Variants in EIF4G3 observed in about 807,000 individuals in gnomAD.
EIF4G3 encodes the protein eukaryotic translation initiation factor 4 gamma 3.
Under a neutral mutation model 186.4 loss-of-function variants are expected in EIF4G3, and 34 were observed. The observed-to-expected ratio is 0.18, with a 90% CI of 0.14 to 0.24. The LOEUF is 0.24. Ranked by LOEUF, EIF4G3 falls within the 10% of genes least tolerant of loss-of-function variation. EIF4G3 has a pLI of 1.00. For synonymous variants in EIF4G3, 673 were observed against 679.5 expected, an observed-to-expected ratio of 0.99 and a Z score of 0.15; for missense variants, 1,536 against 1,948.5, an observed-to-expected ratio of 0.79 and a Z score of 3.99.
At chr1:20,895,267 C>T in intron 17 of EIF4G3, 101 bp downstream of exon 17, 1 of 1,311,908 alleles carries the variant, frequency 7.6e-7, no homozygotes, top group East Asian at 2.3e-5. Context: ...ATCATTTGGT[C>T]TAACAATTAC....
intron 15 of EIF4G3, 146 bp downstream of exon 15, chr1:20,904,737 A>G (rs2091550275): frequency 4.3e-6 from 2 of 469,176 alleles, no homozygotes; most frequent in Middle Eastern, 3.0e-4. Context: ...TAAAATTCTA[A>G]TATAAAATGG....
chr1:20,914,114 T>C (rs2093604413), intron 14 of EIF4G3, among the ~76,000 whole-genome samples: 1 of 151,984 alleles, frequency 6.6e-6, no homozygotes, highest in Non-Finnish European at 1.5e-5. Context: ...TGCCTTTTTT[T>C]TTTTCTTTTC....
chr1:20,907,627 T>A (rs1454071965), intron 14 of EIF4G3, among the ~76,000 whole-genome samples: 1 of 150,614 alleles, frequency 6.6e-6, no homozygotes, highest in Non-Finnish European at 1.5e-5. Context: ...CACCTATGAG[T>A]GAGAACATGT....
chr1:20,895,052 G>A (rs773438648), intron 17 of EIF4G3, among the ~76,000 whole-genome samples: 5 of 151,620 alleles, frequency 3.3e-5, no homozygotes, highest in Middle Eastern at 6.8e-3. Flanking sequence ...AAAGACCTCC[G>A]TATCAATTTA....
intron 2 of EIF4G3, among the ~76,000 whole-genome samples, chr1:21,142,388 TC>T (rs34076375): frequency 0.021 from 3,105 of 147,994 alleles, 59 homozygotes; most frequent in Non-Finnish European, 0.027. Context: ...GTGCCTGCAG[TC>T]CCAGCTACTC....
At chr1:21,009,899 C>T (rs2086478872) in intron 4 of EIF4G3, among the ~76,000 whole-genome samples, 2 of 151,418 alleles carry the variant, frequency 1.3e-5, no homozygotes, top group Admixed American at 6.6e-5. Flanking sequence ...GTGATCTGCC[C>T]GCCTCGGCCT....
intron 14 of EIF4G3, among the ~76,000 whole-genome samples, chr1:20,908,452 T>A (rs1170040341): frequency 1.3e-5 from 2 of 152,218 alleles, no homozygotes; most frequent in Non-Finnish European, 2.9e-5. Context: ...TATGTAAGTT[T>A]TAAAACTGTG....
At chr1:21,040,268 G>C (rs922821063) in intron 4 of EIF4G3, among the ~76,000 whole-genome samples, 5 of 152,140 alleles carry the variant, frequency 3.3e-5, no homozygotes, top group Non-Finnish European at 4.4e-5. Context: ...AAAAAACCTA[G>C]GACACGGTTA....
chr1:21,036,921 C>A (rs950530923), intron 4 of EIF4G3, among the ~76,000 whole-genome samples: 1 of 152,076 alleles, frequency 6.6e-6, no homozygotes, highest in African/African-American at 2.4e-5. Context: ...GAGTTACATT[C>A]TAGAAATATT....
intron 10 of EIF4G3, among the ~76,000 whole-genome samples, chr1:20,974,333 T>C (rs2076429118): frequency 6.6e-6 from 1 of 152,192 alleles, no homozygotes; most frequent in Non-Finnish European, 1.5e-5. Context: ...ATTCCATGTC[T>C]ATTAGAGGTC....
intron 2 of EIF4G3, among the ~76,000 whole-genome samples, chr1:21,155,840 C>A (rs556150255): frequency 1.3e-5 from 2 of 152,028 alleles, no homozygotes; most frequent in South Asian, 2.1e-4. Context: ...AAGAAACACA[C>A]AAAAAGCCGG....
intron 3 of EIF4G3, among the ~76,000 whole-genome samples, chr1:21,058,719 C>CTCTCTT (rs2094708336): frequency 1.2e-5 from 1 of 82,014 alleles, no homozygotes; most frequent in Non-Finnish European, 2.1e-5. Flanking sequence ...CTCTCTCTCT[C>CTCTCTT]TTTTTTTTTT....
chr1:21,021,561 TTTTC>T (rs2090697483), intron 4 of EIF4G3, among the ~76,000 whole-genome samples: 1 of 152,076 alleles, frequency 6.6e-6, no homozygotes, highest in Non-Finnish European at 1.5e-5. Context: ...CTTTCTTTTT[TTTTC>T]TTTATGTGGA....
intron 2 of EIF4G3, among the ~76,000 whole-genome samples, chr1:21,164,148 A>G (rs899804214): frequency 3.9e-5 from 6 of 152,152 alleles, no homozygotes; most frequent in Admixed American, 3.3e-4. Context: ...TCAACAACCA[A>G]TTTTAACCTG....
At position 20,893,579 on chromosome 1, in the gene EIF4G3, G is replaced by C; in HGVS notation, c.2191C>G (p.Pro731Ala). The C allele has an allele frequency of 6.3e-7, 1 of 1,595,512 alleles. No homozygotes were observed. Among genetic ancestry groups the C allele is most frequent in the East Asian group, 2.3e-5 (1 of 44,418 alleles). ...TLDPRILPRGPDFTPAFADFG... is the reference protein window; with the variant it reads ...TLDPRILPRGADFTPAFADFG... ...TCAGCAAAGGCTGGTGTAAAGTCTG[G>C]TCCTCGAGGCAAAATTCGAGGATCC... Residue 731 changes from proline (P) to alanine (A), a missense_variant, in exon 18 of 37, where the codon CCA becomes GCA. Physicochemically the swap from Pro to Ala is conservative, Grantham distance 27. Around this residue, in one of 11 missense-constraint regions of EIF4G3, gnomAD observed 139 missense variants for 192.8 expected, o/e 0.72. Transcript: ENST00000602326.
intron 4 of EIF4G3, among the ~76,000 whole-genome samples, chr1:21,044,315 T>C (rs1295483565): frequency 6.6e-6 from 1 of 152,228 alleles, no homozygotes; most frequent in African/African-American, 2.4e-5. Flanking sequence ...CAAAGGCCTA[T>C]AAAATATTCA....
Position 20,941,742 on chromosome 1 carries a change from G to A in EIF4G3, c.1412C>T (p.Pro471Leu), listed in dbSNP as rs1378533158. 6 of 1,610,480 alleles carry A rather than the reference G, an allele frequency of 3.7e-6. No individual in the cohort carries two copies. Among genetic ancestry groups the A allele is most frequent in the African/African-American group, 1.3e-5 (1 of 74,882 alleles). ...AGCTGGAGGAGTTGGAGGAGTTGGA[G>A]GAAAGGAAGGAACTGTGGAAGGGGT... is the stretch of plus-strand genomic sequence containing the variant. ...PITPSTVPSF[P>L]PTPPTPPASP... Residue 471 changes from proline (P) to leucine (L), a missense_variant, in exon 14 of 37, where the codon CCT (proline) becomes CTT (leucine). Around this residue, in one of 11 missense-constraint regions of EIF4G3, gnomAD observed 560 missense variants for 547.8 expected, o/e 1.02. Coordinates refer to ENST00000602326, the MANE Select transcript of EIF4G3 (RefSeq NM_001391906.1).
chr1:20,916,228 C>T (rs1282589177), intron 14 of EIF4G3, among the ~76,000 whole-genome samples: 1 of 151,962 alleles, frequency 6.6e-6, no homozygotes, highest in Non-Finnish European at 1.5e-5. Flanking sequence ...AGGCGGATCA[C>T]GAGGTCAGGA....
chr1:21,001,394 C>CT, intron 5 of EIF4G3, 82 bp from the exon 6 acceptor site: 2 of 445,828 alleles, frequency 4.5e-6, no homozygotes, highest in East Asian at 7.1e-5. Context: ...AATTCATTTT[C>CT]TTTTTTGATA....
Sources: allele counts gnomAD v4.1 joint callset (sites outside exome capture counted in the v4.1 genomes callset), GRCh38; gene constraint gnomAD v4.1.1; regional missense constraint gnomAD v4.1.1; transcripts MANE v1.5; gene names NCBI Gene and HGNC (gene_info 2026-07-23, HGNC 2026-07-21).